The following AMOTL1 variants were observed in gnomAD, a reference collection of about 807,000 sequenced individuals.
AMOTL1 encodes the protein angiomotin-like protein 1.
A neutral mutation model predicts 102.9 loss-of-function variants in AMOTL1; 45 were observed. The ratio of observed to expected loss-of-function variants is 0.44; its 90% CI spans 0.34 to 0.56. The LOEUF is 0.56. Ranked by LOEUF, AMOTL1 falls within the 20% of genes least tolerant of loss-of-function variation. The probability of loss-of-function intolerance (pLI) is 0.01; values close to 1 mark genes in which losing one functional copy is unlikely to be tolerated. For missense variants in AMOTL1, 1,114 were observed against 1,225.6 expected (o/e 0.91, Z 1.36); for synonymous variants, 481 against 484.7 (o/e 0.99, Z 0.10).
chr11:94,721,622 G>A (rs890082565), intron 1 of AMOTL1, among the ~76,000 whole-genome samples: 1 of 152,074 alleles, frequency 6.6e-6, no homozygotes, highest in Non-Finnish European at 1.5e-5. Context: ...GTGGTCATCA[G>A]CAACCTAGGA....
chr11:94,773,221 A>G (rs767925652), intron 1 of AMOTL1, among the ~76,000 whole-genome samples: 7 of 152,232 alleles, frequency 4.6e-5, no homozygotes, highest in Non-Finnish European at 7.3e-5. Context: ...TTATTTTGAT[A>G]AAGTCCAGTT....
intron 9 of AMOTL1, among the ~76,000 whole-genome samples, chr11:94,863,549 GC>G (rs1168806128): frequency 6.6e-6 from 1 of 151,828 alleles, no homozygotes; most frequent in Non-Finnish European, 1.5e-5. Context: ...CTGAGATCAC[GC>G]CACTGCACTC....
intron 12 of AMOTL1, 123 bp downstream of exon 12, chr11:94,869,596 A>G (rs1218900196): frequency 1.8e-6 from 2 of 1,125,718 alleles, no homozygotes; most frequent in African/African-American, 1.6e-5. Context: ...TGGGGATGCT[A>G]TTCTAATGCA....
intron 3 of AMOTL1, among the ~76,000 whole-genome samples, chr11:94,800,907 C>G (rs1951465322): frequency 1.3e-5 from 2 of 152,180 alleles, no homozygotes. Flanking sequence ...ACAGCCTTCA[C>G]TTGTATTCTT....
intron 3 of AMOTL1, among the ~76,000 whole-genome samples, chr11:94,817,852 A>G (rs373475719): frequency 6.6e-6 from 1 of 152,210 alleles, no homozygotes; most frequent in Non-Finnish European, 1.5e-5. Flanking sequence ...TTAATTACGT[A>G]GACTAATGAA....
In AMOTL1 at chr11:94,799,969, C is replaced by A; in HGVS notation, c.779C>A (p.Ser260Ter). 1 of 1,614,044 alleles carries A rather than the reference C, an allele frequency of 6.2e-7. No homozygotes were observed. The highest frequency in any genetic ancestry group is 8.5e-7 in the Non-Finnish European group (1 of 1,179,894). The change falls in exon 3 of 13, where the codon TCG becomes TAG. Residue 260 changes from serine to a stop codon, truncating the protein, a stop_gained. Transcript: ENST00000433060. LOFTEE classifies it high-confidence loss of function. The surrounding 1 kb of genome is among the most constrained non-coding windows in gnomAD (Gnocchi z 4.5). ...GAACTGAAGCAGGGCCACGTCCGCTCGCTCAGCGAGAGAATCATGCAGCTG... is the reference window on the plus strand; with the variant it reads ...GAACTGAAGCAGGGCCACGTCCGCTAGCTCAGCGAGAGAATCATGCAGCTG... ...LKELKQGHVR[S>*]LSERIMQLSL...
intron 2 of AMOTL1, among the ~76,000 whole-genome samples, chr11:94,798,487 G>A (rs1951408623): frequency 6.6e-6 from 1 of 152,142 alleles, no homozygotes; most frequent in Admixed American, 6.5e-5. Flanking sequence ...GATGAGGCAG[G>A]GAATACAGGG....
chr11:94,870,932 A>C lies in AMOTL1; in HGVS notation c.*137A>C, dbSNP rs1406980627. On this transcript the variant is annotated 3_prime_UTR_variant, in exon 13 of 13. Transcript: ENST00000433060. ...ATAAAGATTTCAGACTCATAAGAAC[A>C]CATTTTATAAATGTTAAACACAAAA... The C allele has an allele frequency of 1.6e-6, 1 of 630,492 alleles. No homozygotes were observed. Among genetic ancestry groups the C allele is most frequent in the Non-Finnish European group, 2.6e-6 (1 of 389,792 alleles). 39.1% of individuals were successfully genotyped at this position (630,492 alleles called of 1,614,324 possible). A position where few individuals can be genotyped will look rare whatever the true frequency, so the allele number is the denominator to read the frequency against.
At chr11:94,762,711 C>T (rs979260798) in intron 3 of AMOTL1, among the ~76,000 whole-genome samples, 5 of 152,204 alleles carry the variant, frequency 3.3e-5, no homozygotes, top group African/African-American at 4.8e-5. Context: ...TTGGGGCCAA[C>T]GTCTCTACTC....
At chr11:94,735,702 C>G (rs1011595864) in intron 2 of AMOTL1, among the ~76,000 whole-genome samples, 2 of 151,992 alleles carry the variant, frequency 1.3e-5, no homozygotes, top group Non-Finnish European at 2.9e-5. Context: ...TTTGAATATG[C>G]CTTAAAAATT....
intron 1 of AMOTL1, among the ~76,000 whole-genome samples, chr11:94,785,184 T>C (rs1217620403): frequency 6.6e-6 from 1 of 152,172 alleles, no homozygotes; most frequent in African/African-American, 2.4e-5. Flanking sequence ...ACCTTTCCCC[T>C]TTATCCACAA....
intron 3 of AMOTL1, among the ~76,000 whole-genome samples, chr11:94,747,417 T>A (rs1299291181): frequency 6.6e-6 from 1 of 152,212 alleles, no homozygotes; most frequent in Non-Finnish European, 1.5e-5. Context: ...CTAACTCCCC[T>A]GAGGGCCAAT....
chr11:94,719,910 A>G (rs1052442721), intron 1 of AMOTL1, among the ~76,000 whole-genome samples: 1 of 152,140 alleles, frequency 6.6e-6, no homozygotes, highest in Non-Finnish European at 1.5e-5. Context: ...CGGGCACCCA[A>G]GGATCTGCCC....
intron 1 of AMOTL1, among the ~76,000 whole-genome samples, chr11:94,784,737 G>A (rs776767437): frequency 7.2e-5 from 11 of 152,150 alleles, no homozygotes; most frequent in Non-Finnish European, 1.2e-4. Context: ...TTGTGTAAGA[G>A]CTTATATTGG....
In AMOTL1 at chr11:94,747,582, C is replaced by CA. The variant is rs1176265809; in HGVS notation, c.136+6599dup. On this transcript the variant is annotated intron_variant, in intron 3 of 4. Coordinates refer to the AMOTL1 transcript ENST00000299004. ...AGTCTCCTCCTACCCCCTTGTCCTC[C>CA]AAAAATATGGGATGAGATTGCAGCT... Among the ~76,000 whole-genome samples, 7 of 152,224 alleles carry CA rather than the reference C, an allele frequency of 4.6e-5. No individual in the cohort carries two copies. In the East Asian group the frequency reaches 1.3e-3, roughly 29 times the overall value.
At chr11:94,810,612 A>C (rs895331802) in intron 3 of AMOTL1, among the ~76,000 whole-genome samples, 3 of 152,026 alleles carry the variant, frequency 2.0e-5, no homozygotes, top group Non-Finnish European at 4.4e-5. Flanking sequence ...ATAAGGAAAA[A>C]CAGAGGTTTC....
intron 1 of AMOTL1, among the ~76,000 whole-genome samples, chr11:94,775,152 T>G (rs1951007952): frequency 6.6e-6 from 1 of 152,232 alleles, no homozygotes; most frequent in Non-Finnish European, 1.5e-5. Context: ...TAAAATAGTT[T>G]TCTTAAAATT....
At chr11:94,711,612 C>T (rs1337154611) in intron 1 of AMOTL1, among the ~76,000 whole-genome samples, 4 of 152,118 alleles carry the variant, frequency 2.6e-5, no homozygotes, top group Admixed American at 2.6e-4. Flanking sequence ...GGTCCCATCC[C>T]TAACCCTTTG....
rs568571423 is a variant in AMOTL1 at position 94,762,487 on chromosome 11, A to G, written c.136+21499A>G. The stretch of plus-strand genomic sequence containing the variant: ...ACTGGGCAGTCTCTCACAACAAAGA[A>G]TCATCAGCCCCAAATGTCAGAGGGC... On this transcript the variant is annotated intron_variant, in intron 3 of 4. Coordinates refer to the AMOTL1 transcript ENST00000299004. Among the ~76,000 whole-genome samples, 181 of 152,328 alleles carry G rather than the reference A, an allele frequency of 1.2e-3. 1 individual carries two copies. Among genetic ancestry groups the G allele is most frequent in the African/African-American group, 3.4e-3 (143 of 41,568 alleles).
Sources: allele counts gnomAD v4.1 joint callset (sites outside exome capture counted in the v4.1 genomes callset), GRCh38; gene constraint gnomAD v4.1.1; non-coding constraint Gnocchi (gnomAD v3.1); transcripts MANE v1.5; gene names NCBI Gene and HGNC (gene_info 2026-07-23, HGNC 2026-07-21).